PARP15: variants seen among roughly 807,000 people sequenced by gnomAD.
The protein encoded by PARP15 is protein mono-ADP-ribosyltransferase PARP15.
A neutral mutation model predicts 62.1 loss-of-function variants in PARP15; 50 were observed. The observed-to-expected ratio is 0.81, with a 90% CI of 0.64 to 1.02. The LOEUF (loss-of-function observed/expected upper bound fraction) is 1.02, where lower values mean the gene tolerates loss of function less well. PARP15 is among the 50% of genes least tolerant of loss of function. PARP15 has a pLI of 0.00. For missense variants in PARP15, 820 were observed against 826.5 expected, an observed-to-expected ratio of 0.99 and a Z score of 0.10; for synonymous variants, 309 against 293.1, an observed-to-expected ratio of 1.05 and a Z score of -0.55.
At chr3:122,595,989 G>GCCAGTTTTA in intron 1 of PARP15, among the ~76,000 whole-genome samples, 1 of 152,102 alleles carries the variant, frequency 6.6e-6, no homozygotes, top group East Asian at 1.9e-4. Context: ...TTTATCTGCA[G>GCCAGTTTTA]TCAAGACTCT....
At chr3:122,606,203 A>T (rs915570285) in intron 2 of PARP15, 148 bp downstream of exon 2, 2 of 1,005,234 alleles carry the variant, frequency 2.0e-6, no homozygotes, top group Non-Finnish European at 2.8e-6. Context: ...ACCCACTTAA[A>T]GTTTATGCAG....
Position 122,636,139 on chromosome 3 carries a change from G to C in PARP15, c.*39G>C, listed in dbSNP as rs767386265. ...ATCAAAGAGATGATTTAAGTCATCT[G>C]TAAGAACAACATGCAATCTTTGTCT... On this transcript the variant is annotated 3_prime_UTR_variant, in exon 12 of 12. Transcript: ENST00000464300. 6.4e-7 allele frequency: 1 copy of C among 1,552,040 alleles called. No homozygotes were observed. The highest frequency in any genetic ancestry group is 1.2e-5 in the South Asian group (1 of 83,994).
Position 122,635,816 on chromosome 3 carries a change from T to G in PARP15, c.1753T>G (p.Ser585Ala). Residue 585 changes from serine to alanine, a missense_variant, in exon 12 of 12, where the codon TCC (serine) becomes GCC (alanine). Coordinates refer to ENST00000464300, the MANE Select transcript of PARP15 (RefSeq NM_001113523.3). ...TTTTGTCTTTCTCTTTCCAGCTGTA[T>G]CCTATGGAAAAGGAACCTATTTTGC... ...NRSCAGKNAV[S>A]YGKGTYFAVD... 6.2e-7 allele frequency: 1 copy of G among 1,612,920 alleles called. No homozygotes were observed. Among genetic ancestry groups the G allele is most frequent in the Admixed American group, 1.7e-5 (1 of 59,990 alleles).
chr3:122,589,876 T>G (rs1041857058), intron 1 of PARP15, among the ~76,000 whole-genome samples: 1 of 149,286 alleles, frequency 6.7e-6, no homozygotes, highest in Admixed American at 6.8e-5. Context: ...ATGTATTATT[T>G]GTAAGGCATA....
At chr3:122,620,305 C>A (rs1936256733) in intron 7 of PARP15, among the ~76,000 whole-genome samples, 1 of 152,178 alleles carries the variant, frequency 6.6e-6, no homozygotes, top group East Asian at 1.9e-4. Context: ...CTACTTCTTC[C>A]AGCACAACTG....
At position 122,636,247 on chromosome 3, in the gene PARP15, T is replaced by G. The variant is rs56286949; in HGVS notation, c.*147T>G. On this transcript the variant is annotated 3_prime_UTR_variant, in exon 12 of 12. Transcript: ENST00000464300. ...AAATTACCTTTTTAAAGTGCTCTATTGCTGCGATTTGTAGCATACCTTTTT... is the reference window on the plus strand; with the variant it reads ...AAATTACCTTTTTAAAGTGCTCTATGGCTGCGATTTGTAGCATACCTTTTT... 32 of 746,464 alleles carry G rather than the reference T, an allele frequency of 4.3e-5. No homozygotes were observed. Among genetic ancestry groups the G allele is most frequent in the Non-Finnish European group, 6.4e-5 (30 of 472,294 alleles). The allele number at this position is 746,464 out of a possible 1,614,324, so 46.2% of individuals were successfully genotyped here. A position where few individuals can be genotyped will look rare whatever the true frequency, so the allele number is the denominator to read the frequency against.
chr3:122,615,672 A>C, intron 4 of PARP15, 107 bp from the exon 5 acceptor site: 1 of 1,575,848 alleles, frequency 6.3e-7, no homozygotes, highest in Non-Finnish European at 8.6e-7. Flanking sequence ...AAATATTTTG[A>C]GAACTATTGT....
At position 122,638,967 on chromosome 3, in the gene PARP15, ATTAT is replaced by A. The variant is rs1180719049; in HGVS notation, c.*2872_*2875del. The A allele has an allele frequency of 3.3e-5, 5 of 152,174 alleles. No homozygotes were observed. The highest frequency in any genetic ancestry group is 1.2e-4 in the African/African-American group (5 of 41,446). The allele number at this position is 152,174 out of a possible 1,614,324, so 9.4% of individuals were successfully genotyped here. The stretch of plus-strand genomic sequence containing the variant: ...TAAAGTTTTTAAAAATGTAATCATC[ATTAT>A]TTATAGTTTAATAATCAGTTTCATC... On this transcript the variant is annotated 3_prime_UTR_variant, in exon 12 of 12. Coordinates refer to ENST00000464300, the MANE Select transcript of PARP15 (RefSeq NM_001113523.3).
chr3:122,609,038 A>G (rs1935377726), intron 2 of PARP15, among the ~76,000 whole-genome samples: 1 of 152,080 alleles, frequency 6.6e-6, no homozygotes, highest in South Asian at 2.1e-4. Flanking sequence ...ACAGGAGTAA[A>G]CCACTACACC....
intron 6 of PARP15, 113 bp downstream of exon 6, chr3:122,617,277 C>G: frequency 8.7e-7 from 1 of 1,153,124 alleles, no homozygotes; most frequent in South Asian, 1.5e-5. Context: ...AATATGTGGT[C>G]TCTGAACTCA....
chr3:122,634,313 C>T (rs1937229397), intron 10 of PARP15, among the ~76,000 whole-genome samples: 1 of 152,136 alleles, frequency 6.6e-6, no homozygotes, highest in Admixed American at 6.5e-5. Flanking sequence ...GCCCACCACC[C>T]CCATGCCATT....
At position 122,635,948 on chromosome 3, in the gene PARP15, C is replaced by T. The variant is rs753925917; in HGVS notation, c.1885C>T (p.Arg629Cys). ...RVLTGVFTKGRAGLVTPPPKN... is the reference protein window; with the variant it reads ...RVLTGVFTKGCAGLVTPPPKN... The stretch of plus-strand genomic sequence containing the variant: ...ACTTACTGGAGTCTTCACAAAGGGA[C>T]GTGCAGGATTAGTCACCCCTCCACC... The change falls in exon 12 of 12, where the codon CGT (arginine) becomes TGT (cysteine). Residue 629 changes from arginine to cysteine, a missense_variant. Physicochemically the swap from Arg to Cys is radical, Grantham distance 180. This residue lies in a region of PARP15 where 84 missense variants were observed against 79.7 expected (regional missense o/e 1.05). Coordinates refer to ENST00000464300, the MANE Select transcript of PARP15 (RefSeq NM_001113523.3). 2.2e-5 allele frequency: 35 copies of T among 1,613,990 alleles called. No individual in the cohort carries two copies. The highest frequency in any genetic ancestry group is 8.0e-5 in the African/African-American group (6 of 74,888).
intron 2 of PARP15, among the ~76,000 whole-genome samples, chr3:122,607,585 C>T (rs1935241333): frequency 6.6e-6 from 1 of 152,180 alleles, no homozygotes; most frequent in Non-Finnish European, 1.5e-5. Flanking sequence ...TTATATTTTA[C>T]CTTACTCAAT....
chr3:122,583,609 A>G (rs1259813603), intron 1 of PARP15, among the ~76,000 whole-genome samples: 2 of 152,192 alleles, frequency 1.3e-5, no homozygotes, highest in Non-Finnish European at 2.9e-5. Context: ...TCTGGGTTAC[A>G]GTTAAGTTAC....
intron 1 of PARP15, among the ~76,000 whole-genome samples, chr3:122,582,416 A>G (rs919892758): frequency 6.6e-6 from 1 of 152,212 alleles, no homozygotes; most frequent in African/African-American, 2.4e-5. Flanking sequence ...GACTCAAGCA[A>G]TTCTCTCACC....
chr3:122,635,427 T>G (rs569843787), intron 11 of PARP15, among the ~76,000 whole-genome samples: 2 of 151,972 alleles, frequency 1.3e-5, no homozygotes, highest in Admixed American at 6.6e-5. Context: ...GGCTTTTTTT[T>G]TTAGACGGTC....
In PARP15 at chr3:122,632,218, A is replaced by T; in HGVS notation, c.1571A>T (p.Lys524Met). 1 of 1,612,382 alleles carries T rather than the reference A, an allele frequency of 6.2e-7. No individual in the cohort carries two copies. Among genetic ancestry groups the T allele is most frequent in the African/African-American group, 1.3e-5 (1 of 75,000 alleles). The change falls in exon 10 of 12, where the codon AAG (lysine) becomes ATG (methionine). Residue 524 changes from lysine to methionine, a missense_variant and splice_region_variant. Coordinates refer to ENST00000464300, the MANE Select transcript of PARP15 (RefSeq NM_001113523.3). ...ACTTGTTCTTCCTACGCAATAGAGA[A>T]GGTAATACTGTGTTAAAATTTACTG... Reference protein sequence around the residue: ...TRTCSSYAIEKIERIQNAFLW... With the variant: ...TRTCSSYAIEMIERIQNAFLW...
rs368821319 is a variant in PARP15, at chr3:122,633,084, T to G, written c.1572+865T>G. 1.5e-3 allele frequency among the ~76,000 whole-genome samples: 232 copies of G among 152,300 alleles called. 6 individuals carry two copies. The South Asian group carries it at 0.047, about 31-fold the overall frequency. ...GCTTCCATAGAACTGTGTACTTACC[T>G]CTTGGAGCACTTATAAAGTGGTACT... On this transcript the variant is annotated intron_variant, in intron 10 of 11. Coordinates refer to ENST00000464300, the MANE Select transcript of PARP15 (RefSeq NM_001113523.3).
chr3:122,616,745 A>C (rs1183082225), intron 5 of PARP15, among the ~76,000 whole-genome samples: 1 of 152,122 alleles, frequency 6.6e-6, no homozygotes, highest in Non-Finnish European at 1.5e-5. Context: ...AGCTCTTGCC[A>C]GTAAACAGAC....
Sources: allele counts gnomAD v4.1 joint callset (sites outside exome capture counted in the v4.1 genomes callset), GRCh38; gene constraint gnomAD v4.1.1; regional missense constraint gnomAD v4.1.1; transcripts MANE v1.5; gene names NCBI Gene and HGNC (gene_info 2026-07-23, HGNC 2026-07-21).